The following MAP7D1 variants were observed in gnomAD, a reference collection of about 807,000 sequenced individuals.
The protein encoded by MAP7D1 is MAP7 domain containing 1.
Under a neutral mutation model 97.5 loss-of-function variants are expected in MAP7D1, and 30 were observed. The observed-to-expected ratio is 0.31, with a 90% CI of 0.23 to 0.42. The LOEUF (loss-of-function observed/expected upper bound fraction) is 0.42. Ranked by LOEUF, MAP7D1 falls within the 10% of genes least tolerant of loss-of-function variation. The pLI, the probability that MAP7D1 is intolerant of heterozygous loss-of-function variation, is 1.00. For missense variants in MAP7D1, 1,184 were observed against 1,179.5 expected (o/e 1.00, Z -0.06); for synonymous variants, 536 against 477.1 (o/e 1.12, Z -1.61).
chr1:36,172,453 T>C lies in MAP7D1; in HGVS notation c.461-11T>C. The C allele has an allele frequency of 6.4e-7, 1 of 1,558,822 alleles. No homozygotes were observed. The highest frequency in any genetic ancestry group is 8.7e-7 in the Non-Finnish European group (1 of 1,143,674). On this transcript the variant is annotated splice_polypyrimidine_tract_variant and intron_variant, in intron 3 of 16. Coordinates refer to ENST00000474796, the MANE Select transcript of MAP7D1 (RefSeq NM_001388490.1). ...CCCTTCACACACGCCACTGGGCTCC[T>C]TTGTCCACAGCGGCCAAGAAGGCAG...
intron 1 of MAP7D1, among the ~76,000 whole-genome samples, chr1:36,162,525 A>T (rs1644426688): frequency 6.6e-6 from 1 of 152,212 alleles, no homozygotes; most frequent in African/African-American, 2.4e-5. Flanking sequence ...TACCTCTGAC[A>T]CTGGCATGAA....
At chr1:36,179,430 C>G (rs1183136904) in intron 13 of MAP7D1, 85 bp from the exon 14 acceptor site, 4 of 1,574,280 alleles carry the variant, frequency 2.5e-6, no homozygotes, top group Admixed American at 3.6e-5. Flanking sequence ...CCGCTGCGGC[C>G]CGGGCAAGGG....
In MAP7D1 at chr1:36,180,657, C is replaced by T. The variant is rs1644704392; in HGVS notation, c.*399C>T. 2 of 266,166 alleles carry T rather than the reference C, an allele frequency of 7.5e-6. No individual in the cohort carries two copies. The highest frequency in any genetic ancestry group is 5.0e-5 in the Admixed American group (1 of 19,926). 16.5% of individuals were successfully genotyped at this position (266,166 alleles called of 1,614,324 possible). On this transcript the variant is annotated 3_prime_UTR_variant, in exon 17 of 17. Transcript: ENST00000474796. ...GGGTGCAGGAGGCAGACCCTCCCCC[C>T]AAAGCCCCCTGGGGAGATCTTCCTC...
intron 12 of MAP7D1, 88 bp downstream of exon 12, chr1:36,179,113 G>A: frequency 6.7e-7 from 1 of 1,498,464 alleles, no homozygotes; most frequent in South Asian, 1.2e-5. Context: ...GGACAGGACG[G>A]GAAAGCGCTG....
intron 1 of MAP7D1, among the ~76,000 whole-genome samples, chr1:36,162,988 A>G (rs1644432260): frequency 6.6e-6 from 1 of 152,140 alleles, no homozygotes; most frequent in Non-Finnish European, 1.5e-5. Flanking sequence ...GTGGCAGGCA[A>G]ACAGAAAAGC....
chr1:36,162,415 C>T (rs775019714), intron 1 of MAP7D1, among the ~76,000 whole-genome samples: 2 of 152,222 alleles, frequency 1.3e-5, no homozygotes, highest in Non-Finnish European at 2.9e-5. Context: ...TCAGAGAACA[C>T]GCAGGAGCTT....
chr1:36,171,379 G>C, intron 2 of MAP7D1, 64 bp downstream of exon 2: 1 of 1,541,406 alleles, frequency 6.5e-7, no homozygotes, highest in Admixed American at 1.9e-5. Context: ...CCTGGATCAT[G>C]CCAACTGAAA....
chr1:36,180,203 T>A (rs1437368426), intron 16 of MAP7D1, 45 bp from the exon 17 acceptor site: 1 of 1,613,836 alleles, frequency 6.2e-7, no homozygotes, highest in South Asian at 1.1e-5. Context: ...TATCTGGGCT[T>A]GAGTGCTGTT....
At chr1:36,167,586 A>T (rs775385763) in intron 1 of MAP7D1, among the ~76,000 whole-genome samples, 2 of 151,984 alleles carry the variant, frequency 1.3e-5, no homozygotes, top group Non-Finnish European at 2.9e-5. Flanking sequence ...GTCTGTACCA[A>T]CTCCCCATGT....
chr1:36,171,763 T>C (rs1400548349), intron 3 of MAP7D1, 182 bp downstream of exon 3: 1 of 494,570 alleles, frequency 2.0e-6, no homozygotes, highest in South Asian at 2.0e-5. Flanking sequence ...AGAAACCCTG[T>C]CTCTACTAAA....
At chr1:36,179,422 G>A (rs1644683359) in intron 13 of MAP7D1, 93 bp from the exon 14 acceptor site, 2 of 1,571,446 alleles carry the variant, frequency 1.3e-6, no homozygotes, top group African/African-American at 1.3e-5. Context: ...CAGGGAGGCC[G>A]CTGCGGCCCG....
Position 36,176,090 on chromosome 1 carries a change from T to G in MAP7D1, c.851-109T>G. 2 of 1,257,574 alleles carry G rather than the reference T, an allele frequency of 1.6e-6. No homozygotes were observed. Among genetic ancestry groups the G allele is most frequent in the South Asian group, 1.4e-5 (1 of 70,728 alleles). 77.9% of individuals were successfully genotyped at this position (1,257,574 alleles called of 1,614,324 possible). On this transcript the variant is annotated intron_variant, in intron 6 of 16. Coordinates refer to ENST00000474796, the MANE Select transcript of MAP7D1 (RefSeq NM_001388490.1). The surrounding 1 kb of genome is among the most constrained non-coding windows in gnomAD (Gnocchi z 6.1). ...TGATTGTGGGGAGAGGACTCCCGGGTGAGAAGCCTTGGCCTTGGCATGGGG... is the reference window on the plus strand; with the variant it reads ...TGATTGTGGGGAGAGGACTCCCGGGGGAGAAGCCTTGGCCTTGGCATGGGG...
In MAP7D1 at chr1:36,171,520, G is replaced by A. The variant is rs1644543265; in HGVS notation, c.399G>A (p.Lys133=). 1 of 1,614,102 alleles carries A rather than the reference G, an allele frequency of 6.2e-7. No individual in the cohort carries two copies. The highest frequency in any genetic ancestry group is 8.5e-7 in the Non-Finnish European group (1 of 1,180,040). ...SDSPPTKQEV[K]KAGERHKLAK... is the part of the protein sequence containing the mutation. ...CTTGTTCCCTCTGCTCAGAGGTGAAGAAGGCAGGAGAGAGACACAAGCTGG... is the reference window on the plus strand; with the variant it reads ...CTTGTTCCCTCTGCTCAGAGGTGAAAAAGGCAGGAGAGAGACACAAGCTGG... The change falls in exon 3 of 17, where the codon AAG becomes AAA. Residue 133 remains lysine, a synonymous_variant. Coordinates refer to ENST00000474796, the MANE Select transcript of MAP7D1 (RefSeq NM_001388490.1).
rs758402857 is a variant in MAP7D1, at chr1:36,176,871, C to A, written c.1379+29C>A. The A allele has an allele frequency of 6.5e-7, 1 of 1,536,554 alleles. No individual in the cohort carries two copies. Among genetic ancestry groups the A allele is most frequent in the South Asian group, 1.2e-5 (1 of 85,108 alleles). ...GGCGCGGGCGGTGCGAGGGACCCTG[C>A]CCCTCACCGGGTCATTTATTCATCA... On this transcript the variant is annotated intron_variant, in intron 8 of 16. Coordinates refer to ENST00000474796, the MANE Select transcript of MAP7D1 (RefSeq NM_001388490.1). This position sits in a 1 kb window ranked among gnomAD's most constrained non-coding sequence, Gnocchi z 6.1.
At position 36,164,104 on chromosome 1, in the gene MAP7D1, G is replaced by A. The variant is rs142152935; in HGVS notation, c.47-6867G>A. Among the ~76,000 whole-genome samples, 569 of 148,780 alleles carry A rather than the reference G, an allele frequency of 3.8e-3. 2 individuals carry two copies. The highest frequency in any genetic ancestry group is 0.011 in the African/African-American group (442 of 40,318). ...CTCCCAAAGTGCTGGGATTACAGGCGTGAGCCACTGCGCCCAGCCTAGATC... is the reference window on the plus strand; with the variant it reads ...CTCCCAAAGTGCTGGGATTACAGGCATGAGCCACTGCGCCCAGCCTAGATC... On this transcript the variant is annotated intron_variant, in intron 1 of 16. Transcript: ENST00000474796.
intron 9 of MAP7D1, 64 bp from the exon 10 acceptor site, chr1:36,178,355 C>A: frequency 9.1e-6 from 14 of 1,534,334 alleles, no homozygotes; most frequent in Admixed American, 1.9e-5. Context: ...GAACACAGGC[C>A]GCTGGGAGAT....
intron 1 of MAP7D1, among the ~76,000 whole-genome samples, chr1:36,160,737 C>T (rs977160894): frequency 5.3e-5 from 8 of 152,250 alleles, no homozygotes; most frequent in African/African-American, 1.7e-4. Flanking sequence ...GCTTCCCTCC[C>T]GTGACTGGCC....
At position 36,178,833 on chromosome 1, in the gene MAP7D1, G is replaced by T. The variant is rs1267577310; in HGVS notation, c.2025+10G>T. 6 of 1,545,324 alleles carry T rather than the reference G, an allele frequency of 3.9e-6. No individual in the cohort carries two copies. The highest frequency in any genetic ancestry group is 5.2e-6 in the Non-Finnish European group (6 of 1,144,978). ...GCGGCTGCAGAAGCAGGTGCCCCCG[G>T]CGGGCGGGAAGCGGCTGGGCGCGGG... On this transcript the variant is annotated intron_variant, in intron 11 of 16. Transcript: ENST00000474796.
Position 36,180,358 on chromosome 1 carries a change from C to T in MAP7D1, c.*100C>T, listed in dbSNP as rs958719175. ...AAGACAGAACAAAGATGGAAGTGGC[C>T]TGGGCCCCTGGGGGTGGGTCCTCTC... On this transcript the variant is annotated 3_prime_UTR_variant, in exon 17 of 17. Transcript: ENST00000474796. 3 of 1,545,726 alleles carry T rather than the reference C, an allele frequency of 1.9e-6. No homozygotes were observed. Among genetic ancestry groups the T allele is most frequent in the South Asian group, 2.2e-5 (2 of 89,632 alleles).
Sources: allele counts gnomAD v4.1 joint callset (sites outside exome capture counted in the v4.1 genomes callset), GRCh38; gene constraint gnomAD v4.1.1; non-coding constraint Gnocchi (gnomAD v3.1); transcripts MANE v1.5; gene names NCBI Gene and HGNC (gene_info 2026-07-23, HGNC 2026-07-21).